The following ABHD12 variants were observed in gnomAD, a reference collection of about 807,000 sequenced individuals.
The protein encoded by ABHD12 is lysophosphatidylserine lipase ABHD12.
A neutral mutation model predicts 58.3 loss-of-function variants in ABHD12; 43 were observed. That is an observed-to-expected ratio of 0.74 (90% confidence interval 0.58 to 0.95). The LOEUF (loss-of-function observed/expected upper bound fraction) is 0.95, where lower values mean the gene tolerates loss of function less well. ABHD12 is among the 40% of genes least tolerant of loss of function. ABHD12 has a pLI of 0.00. For synonymous variants in ABHD12, 219 were observed against 211.2 expected, an observed-to-expected ratio of 1.04 and a Z score of -0.32; for missense variants, 539 against 537.2, an observed-to-expected ratio of 1.00 and a Z score of -0.03.
intron 1 of ABHD12, among the ~76,000 whole-genome samples, chr20:25,360,481 T>C (rs2089732137): frequency 6.6e-6 from 1 of 151,994 alleles, no homozygotes; most frequent in African/African-American, 2.4e-5. Context: ...CCTCGTGATC[T>C]ACCCGCCTTG....
chr20:25,331,558 AG>A (rs1441908776), intron 2 of ABHD12, among the ~76,000 whole-genome samples: 1 of 152,138 alleles, frequency 6.6e-6, no homozygotes, highest in Non-Finnish European at 1.5e-5. Flanking sequence ...CAAGAGAGAA[AG>A]GTCAGGTTAC....
intron 4 of ABHD12, among the ~76,000 whole-genome samples, chr20:25,318,132 A>T (rs1036993981): frequency 2.0e-5 from 3 of 152,144 alleles, no homozygotes; most frequent in African/African-American, 7.2e-5. Context: ...GCCTGGTCAA[A>T]TGGTGAAACC....
chr20:25,369,709 C>A (rs2089873252), intron 1 of ABHD12, among the ~76,000 whole-genome samples: 1 of 152,192 alleles, frequency 6.6e-6, no homozygotes, highest in Non-Finnish European at 1.5e-5. Context: ...GCTACACATG[C>A]ATGCACAACA....
intron 2 of ABHD12, 141 bp from the exon 3 acceptor site, chr20:25,323,571 T>TGCAGAAGCTC: frequency 1.4e-6 from 1 of 695,072 alleles, no homozygotes; most frequent in South Asian, 1.5e-5. Context: ...ATGCACACAC[T>TGCAGAAGCTC]GCAGAAGCTC....
chr20:25,338,076 T>A (rs1315942254), intron 2 of ABHD12, among the ~76,000 whole-genome samples: 1 of 152,072 alleles, frequency 6.6e-6, no homozygotes, highest in Non-Finnish European at 1.5e-5. Context: ...GAAACAGAAA[T>A]TCCTTTTTTA....
chr20:25,295,075 G>T, intron 12 of ABHD12: 1 of 1,583,312 alleles, frequency 6.3e-7, no homozygotes, highest in Non-Finnish European at 8.7e-7. Flanking sequence ...TCTGCATTTC[G>T]TGAAGTGTGC....
At chr20:25,298,522 T>A (rs1348393391), downstream of ABHD12, among the ~76,000 whole-genome samples, 1 of 152,204 alleles carries the variant, frequency 6.6e-6, no homozygotes, top group East Asian at 1.9e-4. Flanking sequence ...CCGAAAGTGC[T>A]GAGATTACAG....
intron 2 of ABHD12, among the ~76,000 whole-genome samples, chr20:25,331,429 C>G (rs1251005600): frequency 6.6e-6 from 1 of 152,106 alleles, no homozygotes; most frequent in African/African-American, 2.4e-5. Flanking sequence ...GGCAGGCCAA[C>G]ATTCAGATTC....
chr20:25,349,122 AT>A (rs2089563833), intron 1 of ABHD12, among the ~76,000 whole-genome samples: 1 of 152,026 alleles, frequency 6.6e-6, no homozygotes, highest in Non-Finnish European at 1.5e-5. Flanking sequence ...CAGATATTGT[AT>A]CATACAATCT....
chr20:25,321,355 C>G (rs191896726), intron 3 of ABHD12, among the ~76,000 whole-genome samples: 1 of 152,264 alleles, frequency 6.6e-6, no homozygotes, highest in African/African-American at 2.4e-5. Context: ...GATGGCCAGG[C>G]ATGGCCAGGA....
intron 1 of ABHD12, among the ~76,000 whole-genome samples, chr20:25,386,604 G>A (rs1227064680): frequency 6.6e-6 from 1 of 152,018 alleles, no homozygotes; most frequent in Non-Finnish European, 1.5e-5. Context: ...AATAGGCCAG[G>A]TGCGGTGGCT....
chr20:25,336,635 G>A (rs1029852459), intron 2 of ABHD12, among the ~76,000 whole-genome samples: 5 of 152,136 alleles, frequency 3.3e-5, no homozygotes, highest in Non-Finnish European at 4.4e-5. Context: ...CCTCGGCGAC[G>A]CAGACAGGCA....
rs540657970 is a variant in ABHD12 at position 25,388,639 on chromosome 20, C to T, written c.191+1874G>A. ...TACCCCTAACAGCCTTTTGCTTATCCAAAGGATATGGACACCACTGGAATG... is the reference window on the plus strand; with the variant it reads ...TACCCCTAACAGCCTTTTGCTTATCTAAAGGATATGGACACCACTGGAATG... On this transcript the variant is annotated intron_variant, in intron 1 of 12. Transcript: ENST00000339157. 7.9e-5 allele frequency among the ~76,000 whole-genome samples: 12 copies of T among 152,232 alleles called. No individual in the cohort carries two copies. In the Middle Eastern group the frequency reaches 0.02, roughly 259 times the overall value.
At chr20:25,332,674 A>C (rs2089297626) in intron 2 of ABHD12, among the ~76,000 whole-genome samples, 1 of 150,316 alleles carries the variant, frequency 6.7e-6, no homozygotes, top group Admixed American at 6.7e-5. Context: ...GCTCAACTAC[A>C]TGGAAACTGA....
intron 1 of ABHD12, among the ~76,000 whole-genome samples, chr20:25,372,708 T>G (rs2089913890): frequency 6.6e-6 from 1 of 152,214 alleles, no homozygotes; most frequent in Non-Finnish European, 1.5e-5. Flanking sequence ...TCCCATATGA[T>G]TATAATAGAA....
At chr20:25,295,919 C>T (rs2088535538), downstream of ABHD12, among the ~76,000 whole-genome samples, 2 of 152,180 alleles carry the variant, frequency 1.3e-5, no homozygotes, top group Middle Eastern at 3.2e-3. Context: ...AACTGAGTGA[C>T]GGGCAGGGCC....
Position 25,305,061 on chromosome 20 carries a change from G to A in ABHD12, c.951-1433C>T, listed in dbSNP as rs558970212. On this transcript the variant is annotated intron_variant, in intron 10 of 12. Transcript: ENST00000339157. ...CTAATTTTGCATTTTCAGTTGAGACGGGGTTCACCATGTTAGGGTGATCTT... is the reference window on the plus strand; with the variant it reads ...CTAATTTTGCATTTTCAGTTGAGACAGGGTTCACCATGTTAGGGTGATCTT... 6.6e-5 allele frequency among the ~76,000 whole-genome samples: 10 copies of A among 151,984 alleles called. No homozygotes were observed. In the East Asian group the frequency reaches 1.6e-3, roughly 24 times the overall value.
chr20:25,376,535 C>T (rs2089964902), intron 1 of ABHD12, among the ~76,000 whole-genome samples: 1 of 152,194 alleles, frequency 6.6e-6, no homozygotes, highest in Non-Finnish European at 1.5e-5. Context: ...ATTTTCCTGG[C>T]AGAAACAAAA....
In ABHD12 at chr20:25,390,759, C is replaced by G. The variant is rs1237650928; in HGVS notation, c.-56G>C. On this transcript the variant is annotated 5_prime_UTR_variant, in exon 1 of 13. Coordinates refer to ENST00000339157, the MANE Select transcript of ABHD12 (RefSeq NM_001042472.3). The stretch of plus-strand genomic sequence containing the variant: ...CGCCCGCTGGCCTGCGCCGCAGTGC[C>G]GCCGCTCACAGCCGCCGCCACCCAG... 1.0e-5 allele frequency: 12 copies of G among 1,183,340 alleles called. No individual in the cohort carries two copies. The highest frequency in any genetic ancestry group is 5.3e-6 in the Non-Finnish European group (5 of 946,420). 73.3% of individuals were successfully genotyped at this position (1,183,340 alleles called of 1,614,324 possible).
Sources: allele counts gnomAD v4.1 joint callset (sites outside exome capture counted in the v4.1 genomes callset), GRCh38; gene constraint gnomAD v4.1.1; transcripts MANE v1.5; gene names NCBI Gene and HGNC (gene_info 2026-07-23, HGNC 2026-07-21).